Variants in AGBL1 observed in about 807,000 individuals in gnomAD.
AGBL1 encodes AGBL carboxypeptidase 1, also known as cytosolic carboxypeptidase 4.
Under a neutral mutation model 118.9 loss-of-function variants are expected in AGBL1, and 130 were observed. The observed-to-expected ratio is 1.09, with a 90% CI of 0.95 to 1.26. The LOEUF (loss-of-function observed/expected upper bound fraction) is 1.26, where lower values mean the gene tolerates loss of function less well. Ranked by LOEUF, AGBL1 falls within the 50% of genes most tolerant of loss-of-function variation. The pLI, the probability that AGBL1 is intolerant of heterozygous loss-of-function variation, is 0.00. For synonymous variants in AGBL1, 555 were observed against 478.9 expected, an observed-to-expected ratio of 1.16 and a Z score of -2.08; for missense variants, 1,584 against 1,298.1, an observed-to-expected ratio of 1.22 and a Z score of -3.38.
chr15:86,326,911 C>T (rs950753806), intron 17 of AGBL1, among the ~76,000 whole-genome samples: 1 of 150,486 alleles, frequency 6.6e-6, no homozygotes, highest in Non-Finnish European at 1.5e-5. Flanking sequence ...CCCATATCCT[C>T]GAGTTTTTTT....
At chr15:86,285,143 C>A (rs1479665391) in intron 16 of AGBL1, among the ~76,000 whole-genome samples, 1 of 151,990 alleles carries the variant, frequency 6.6e-6, no homozygotes, top group African/African-American at 2.4e-5. Context: ...ACCATTTTTG[C>A]AAAAGGAAAT....
chr15:86,258,558 G>C (rs2078934049), intron 9 of AGBL1, among the ~76,000 whole-genome samples: 1 of 152,192 alleles, frequency 6.6e-6, no homozygotes, highest in Non-Finnish European at 1.5e-5. Flanking sequence ...TTCTATAGAA[G>C]AGAGGTTGGT....
At chr15:86,392,904 C>T (rs1279716559) in intron 17 of AGBL1, among the ~76,000 whole-genome samples, 1 of 152,152 alleles carries the variant, frequency 6.6e-6, no homozygotes, top group Non-Finnish European at 1.5e-5. Flanking sequence ...GTTACTAAGA[C>T]TGAGATTGTC....
intron 22 of AGBL1, among the ~76,000 whole-genome samples, chr15:86,860,912 CT>C (rs571940296): frequency 1.5e-3 from 232 of 152,190 alleles, no homozygotes; most frequent in African/African-American, 5.5e-3. Flanking sequence ...TTACCTACCC[CT>C]TGGCTTCTGG....
chr15:86,776,363 T>A (rs995452581), intron 22 of AGBL1, among the ~76,000 whole-genome samples: 2 of 152,138 alleles, frequency 1.3e-5, no homozygotes, highest in Admixed American at 1.3e-4. Context: ...CTGGAAGTGA[T>A]ATAATCTCAT....
At chr15:86,230,147 G>T (rs539292581) in intron 6 of AGBL1, among the ~76,000 whole-genome samples, 2 of 152,310 alleles carry the variant, frequency 1.3e-5, no homozygotes, top group South Asian at 2.1e-4. Context: ...GGGACAGCCC[G>T]TCAGCCTGTT....
intron 22 of AGBL1, among the ~76,000 whole-genome samples, chr15:86,821,758 T>C (rs997352977): frequency 6.6e-6 from 1 of 152,194 alleles, no homozygotes; most frequent in African/African-American, 2.4e-5. Context: ...TCTTATTTTG[T>C]ATAATTCTTA....
intron 17 of AGBL1, chr15:86,297,113 T>C (rs2141782461): frequency 6.6e-6 from 1 of 152,252 alleles, no homozygotes; most frequent in South Asian, 2.1e-4. Flanking sequence ...AAATATCTCT[T>C]AGTACACCCT....
intron 19 of AGBL1, among the ~76,000 whole-genome samples, chr15:86,528,280 G>A (rs961838074): frequency 6.6e-6 from 1 of 152,238 alleles, no homozygotes; most frequent in Admixed American, 6.5e-5. Flanking sequence ...GCAGGGCGAG[G>A]CATTGCCTCA....
intron 1 of AGBL1, among the ~76,000 whole-genome samples, chr15:86,120,113 A>G (rs1004751355): frequency 6.6e-6 from 1 of 152,048 alleles, no homozygotes; most frequent in Non-Finnish European, 1.5e-5. Context: ...ATAGGATAAA[A>G]TCTAAACTCC....
chr15:86,808,470 T>A (rs1490422708), intron 22 of AGBL1, among the ~76,000 whole-genome samples: 2 of 152,160 alleles, frequency 1.3e-5, no homozygotes. Context: ...GAATGAGAGA[T>A]ATAAAAATGG....
chr15:86,522,968 C>G (rs758307962), intron 19 of AGBL1, 29 bp downstream of exon 19: 18 of 1,608,152 alleles, frequency 1.1e-5, no homozygotes, highest in Non-Finnish European at 1.4e-5. Context: ...CCTCCACCTT[C>G]CTGGCTGCTT....
At chr15:86,526,771 TCA>T (rs1279522854) in intron 19 of AGBL1, among the ~76,000 whole-genome samples, 1 of 151,874 alleles carries the variant, frequency 6.6e-6, no homozygotes, top group Non-Finnish European at 1.5e-5. Flanking sequence ...GAATGAAATA[TCA>T]CATGTTCTCA....
chr15:86,800,217 A>G lies in AGBL1; in HGVS notation c.3159-106870A>G, dbSNP rs148181382. Among the ~76,000 whole-genome samples the G allele has an allele frequency of 2.3e-3, 346 of 152,184 alleles. 3 individuals carry two copies. Among genetic ancestry groups the G allele is most frequent in the African/African-American group, 7.9e-3 (329 of 41,566 alleles). On this transcript the variant is annotated intron_variant, in intron 22 of 22. Transcript: ENST00000614907. ...TCCTGGCAATTAACCAACACATCAT[A>G]TTTATACATATTATTTTGGGACATA...
intron 16 of AGBL1, among the ~76,000 whole-genome samples, chr15:86,284,020 G>A (rs1461285980): frequency 1.3e-5 from 2 of 151,670 alleles, no homozygotes; most frequent in Non-Finnish European, 2.9e-5. Context: ...AGGCTATTTC[G>A]AAGATTAAAT....
chr15:86,979,670 G>GT (rs1364696827), intron 23 of AGBL1, among the ~76,000 whole-genome samples: 1 of 151,708 alleles, frequency 6.6e-6, no homozygotes, highest in Admixed American at 6.6e-5. Context: ...TTGTTTGTTT[G>GT]TTTTTTGTAT....
intron 22 of AGBL1, among the ~76,000 whole-genome samples, chr15:86,895,435 T>G (rs1255053184): frequency 2.6e-5 from 4 of 151,844 alleles, no homozygotes; most frequent in Non-Finnish European, 1.5e-5. Flanking sequence ...TTGCGTGTAT[T>G]TCTTGAGCTC....
At chr15:86,607,319 A>G (rs1567081175) in intron 21 of AGBL1, among the ~76,000 whole-genome samples, 1 of 152,148 alleles carries the variant, frequency 6.6e-6, no homozygotes, top group Non-Finnish European at 1.5e-5. Context: ...TTACTTTCCA[A>G]ATCTTTGATG....
intron 22 of AGBL1, among the ~76,000 whole-genome samples, chr15:86,770,003 C>A (rs1458848720): frequency 6.6e-6 from 1 of 151,996 alleles, no homozygotes; most frequent in Non-Finnish European, 1.5e-5. Context: ...AAGGCTCTTA[C>A]TTTAATCCTT....
Sources: allele counts gnomAD v4.1 joint callset (sites outside exome capture counted in the v4.1 genomes callset), GRCh38; gene constraint gnomAD v4.1.1; transcripts MANE v1.5; gene names NCBI Gene and HGNC (gene_info 2026-07-23, HGNC 2026-07-21).